ELP6: variants seen among roughly 807,000 people sequenced by gnomAD.
ELP6 encodes elongator acetyltransferase complex subunit 6, also known as elongator complex protein 6.
A neutral mutation model predicts 28.1 loss-of-function variants in ELP6; 23 were observed. The observed-to-expected ratio is 0.82, with a 90% CI of 0.59 to 1.16. The LOEUF (loss-of-function observed/expected upper bound fraction) is 1.16. Among genes scored for constraint, ELP6 ranks in the 50% most tolerant of loss-of-function variants. The pLI is 0.00. For synonymous variants in ELP6, 132 were observed against 135.8 expected (o/e 0.97, Z 0.19); for missense variants, 313 against 334.6 (o/e 0.94, Z 0.50).
In ELP6 at chr3:47,511,758, T is replaced by C. The variant is rs1709023418; in HGVS notation, c.55-532A>G. The C allele has an allele frequency of 5.1e-6, 5 of 988,672 alleles. No individual in the cohort carries two copies. The South Asian group carries it at 2.2e-4, about 43-fold the overall frequency. 61.2% of individuals were successfully genotyped at this position (988,672 alleles called of 1,614,324 possible). On this transcript the variant is annotated intron_variant, in intron 1 of 6. Coordinates refer to ENST00000296149, the MANE Select transcript of ELP6 (RefSeq NM_001031703.3). ...ACCCAATGGCCCTGCTTCAGAGGCC[T>C]GATCATGGAGAGCTCTAGAAAGACC... is the stretch of plus-strand genomic sequence containing the variant.
At chr3:47,503,434 A>T (rs1445557510) in intron 4 of ELP6, 1 of 1,289,520 alleles carries the variant, frequency 7.8e-7, no homozygotes, top group East Asian at 5.6e-5. Flanking sequence ...CAGGGGAAAA[A>T]TTTTTTCTTA....
At chr3:47,501,901 T>C (rs775068137) in intron 4 of ELP6, 50 bp from the exon 5 acceptor site, 14 of 1,548,696 alleles carry the variant, frequency 9.0e-6, no homozygotes, top group Non-Finnish European at 1.2e-5. Flanking sequence ...CTACAGATGT[T>C]TATCAAGGAC....
intron 1 of ELP6, chr3:47,512,476 C>T (rs1413343420): frequency 1.1e-5 from 4 of 367,848 alleles, no homozygotes; most frequent in Non-Finnish European, 1.5e-5. Flanking sequence ...CACTTGAACC[C>T]GGGAGGTGAG....
At chr3:47,509,964 G>C in intron 3 of ELP6, 1 of 408,914 alleles carries the variant, frequency 2.4e-6, no homozygotes, top group Non-Finnish European at 4.4e-6. Context: ...GTTTCACCAT[G>C]TTGGCCAGAA....
intron 5 of ELP6, chr3:47,500,161 A>C: frequency 8.7e-7 from 1 of 1,148,654 alleles, no homozygotes; most frequent in Non-Finnish European, 1.1e-6. Context: ...AAAAGAATGA[A>C]GCAGATCCAT....
intron 5 of ELP6, among the ~76,000 whole-genome samples, chr3:47,499,176 A>G (rs1008968382): frequency 2.0e-5 from 3 of 152,204 alleles, no homozygotes; most frequent in African/African-American, 7.2e-5. Flanking sequence ...AAGGAGTTCA[A>G]TGCCAGCCCA....
At chr3:47,506,778 G>A (rs1370452910) in intron 3 of ELP6, among the ~76,000 whole-genome samples, 4 of 152,120 alleles carry the variant, frequency 2.6e-5, no homozygotes, top group Non-Finnish European at 5.9e-5. Flanking sequence ...CATCCTCCTC[G>A]GCTTGCGAGA....
At chr3:47,503,619 T>G (rs1708732748) in intron 4 of ELP6, among the ~76,000 whole-genome samples, 1 of 152,090 alleles carries the variant, frequency 6.6e-6, no homozygotes, top group African/African-American at 2.4e-5. Flanking sequence ...AAAAGGAATT[T>G]TGGCCGGGCG....
chr3:47,503,915 G>A (rs1708745155), intron 4 of ELP6, among the ~76,000 whole-genome samples: 1 of 151,922 alleles, frequency 6.6e-6, no homozygotes, highest in Non-Finnish European at 1.5e-5. Flanking sequence ...CAAAAAAAAG[G>A]AATTTTAAAA....
At chr3:47,512,514 G>GA in intron 1 of ELP6, 1 of 761,218 alleles carries the variant, frequency 1.3e-6, no homozygotes, top group Non-Finnish European at 1.6e-6. Context: ...TCGCGCCAGT[G>GA]CACTCCAGCC....
chr3:47,499,885 G>C, intron 5 of ELP6: 1 of 1,266,180 alleles, frequency 7.9e-7, no homozygotes, highest in African/African-American at 1.6e-5. Flanking sequence ...AGTGGGACCC[G>C]GAGGCGAAGC....
In ELP6 at chr3:47,510,234, C is replaced by A; in HGVS notation, c.154G>T (p.Val52Leu). ...YLKANCKVCF[V>L]ALIQSFSHYS... ...TGGCTGAAGGACTGGATGAGTGCCA[C>A]AAAGCAGACTTTACAATTAGCTAGA... Residue 52 changes from valine (V) to leucine (L), a missense_variant, in exon 3 of 7, where the codon GTG becomes TTG. By Grantham distance (32) the Val-to-Leu change is conservative. Transcript: ENST00000296149. The A allele has an allele frequency of 6.2e-7, 1 of 1,613,896 alleles. No individual in the cohort carries two copies. The highest frequency in any genetic ancestry group is 8.5e-7 in the Non-Finnish European group (1 of 1,179,842).
chr3:47,510,902 C>T (rs1708996447), intron 2 of ELP6, among the ~76,000 whole-genome samples: 1 of 152,090 alleles, frequency 6.6e-6, no homozygotes, highest in Non-Finnish European at 1.5e-5. Context: ...AGGCAATGTC[C>T]ACACAGTGGG....
intron 3 of ELP6, among the ~76,000 whole-genome samples, chr3:47,508,765 C>CTTT (rs1218072845): frequency 6.8e-5 from 9 of 132,204 alleles, no homozygotes; most frequent in Non-Finnish European, 9.9e-5. Flanking sequence ...TTTTTTTTTC[C>CTTT]TTTTTTTTTT....
intron 4 of ELP6, 147 bp from the exon 5 acceptor site, chr3:47,501,998 GA>G (rs1190282829): frequency 4.1e-6 from 3 of 736,076 alleles, no homozygotes; most frequent in African/African-American, 3.5e-5. Context: ...TGGTTAGAAA[GA>G]AAAGGCATGC....
chr3:47,501,961 A>G, intron 4 of ELP6, 110 bp from the exon 5 acceptor site: 3 of 999,554 alleles, frequency 3.0e-6, no homozygotes, highest in Non-Finnish European at 4.5e-6. Context: ...CTGTATCACA[A>G]TTCTTGGCAA....
intron 4 of ELP6, chr3:47,503,140 A>T: frequency 8.7e-7 from 1 of 1,145,670 alleles, no homozygotes; most frequent in Non-Finnish European, 1.1e-6. Flanking sequence ...GATGAGGTAT[A>T]ACCAGCCCCT....
chr3:47,503,445 A>G (rs1348593139), intron 4 of ELP6: 3 of 1,289,536 alleles, frequency 2.3e-6, no homozygotes, highest in Non-Finnish European at 3.0e-6. Flanking sequence ...TTTTTTCTTA[A>G]ATGTCTGAAA....
intron 3 of ELP6, 78 bp downstream of exon 3, chr3:47,510,106 C>T (rs1257824701): frequency 3.2e-5 from 39 of 1,207,816 alleles, no homozygotes; most frequent in Non-Finnish European, 1.8e-5. Flanking sequence ...ACAATGCAAA[C>T]AGGAAAGCCA....
Sources: gnomAD v4.1 joint callset for allele counts (sites outside exome capture counted in the v4.1 genomes callset) on GRCh38, gnomAD v4.1.1 for gene constraint, MANE v1.5 for transcripts, NCBI Gene and HGNC (gene_info 2026-07-23, HGNC 2026-07-21) for gene names.